The following TNFSF4 variants were observed in gnomAD, a reference collection of about 807,000 sequenced individuals.
The protein encoded by TNFSF4 is tumor necrosis factor ligand superfamily member 4.
TNFSF4 carries 4 observed loss-of-function variants against 7.3 expected under a neutral mutation model. The observed-to-expected ratio is 0.55, with a 90% CI of 0.27 to 1.25. The LOEUF is 1.25. Among genes scored for constraint, TNFSF4 ranks in the 50% most tolerant of loss-of-function variants. The pLI is 0.12. For synonymous variants in TNFSF4, 76 were observed against 83.7 expected (o/e 0.91, Z 0.50); for missense variants, 181 against 208.8 (o/e 0.87, Z 0.82).
chr1:173,412,941 GCTGTTTAGGTCACATACTCACTC>G, the TNFSF4 span, among the ~76,000 whole-genome samples: 2 of 152,302 alleles, frequency 1.3e-5, no homozygotes, highest in South Asian at 4.1e-4. Flanking sequence ...GGGAATCGAG[GCTGTTTAGGTCACATACTCACTC>G]CTGCATCCAA....
chr1:173,382,246 A>G, the TNFSF4 span, among the ~76,000 whole-genome samples: 2 of 152,084 alleles, frequency 1.3e-5, no homozygotes, highest in Admixed American at 6.6e-5. Flanking sequence ...GAGCTGTAAC[A>G]CTCACTGCAA....
At chr1:173,322,094 G>A in the TNFSF4 span, among the ~76,000 whole-genome samples, 1 of 152,334 alleles carries the variant, frequency 6.6e-6, no homozygotes, top group South Asian at 2.1e-4. Context: ...ACTGGATAAA[G>A]AAAATGTGGC....
chr1:173,196,256 C>G (rs1209185694), intron 1 of TNFSF4, among the ~76,000 whole-genome samples: 4 of 152,156 alleles, frequency 2.6e-5, no homozygotes, highest in Non-Finnish European at 2.9e-5. Context: ...TTCAGAAAGA[C>G]TTATCCCAAA....
intron 1 of TNFSF4, among the ~76,000 whole-genome samples, chr1:173,191,171 T>C (rs1017515700): frequency 6.6e-6 from 1 of 152,140 alleles, no homozygotes; most frequent in African/African-American, 2.4e-5. Flanking sequence ...AGGGTGGCAG[T>C]GACCAAACAG....
At chr1:173,411,100 T>C in the TNFSF4 span, among the ~76,000 whole-genome samples, 1 of 152,164 alleles carries the variant, frequency 6.6e-6, no homozygotes, top group Non-Finnish European at 1.5e-5. Context: ...CTTCCTGAAG[T>C]CTCTGTTGCT....
At chr1:173,284,099 A>C in the TNFSF4 span, among the ~76,000 whole-genome samples, 1 of 152,192 alleles carries the variant, frequency 6.6e-6, no homozygotes. Flanking sequence ...ATCTGGAGCA[A>C]GATTTTAACT....
At chr1:173,225,755 G>T in the TNFSF4 span, among the ~76,000 whole-genome samples, 9 of 152,262 alleles carry the variant, frequency 5.9e-5, no homozygotes, top group Non-Finnish European at 8.8e-5. Context: ...GAGGAACCAT[G>T]AATTGAAATT....
At chr1:173,290,474 A>T in the TNFSF4 span, among the ~76,000 whole-genome samples, 1 of 152,176 alleles carries the variant, frequency 6.6e-6, no homozygotes, top group East Asian at 1.9e-4. Context: ...TTAAATCAAA[A>T]ATAATAAAAA....
the TNFSF4 span, among the ~76,000 whole-genome samples, chr1:173,254,786 A>G: frequency 1.3e-5 from 2 of 152,332 alleles, no homozygotes; most frequent in South Asian, 4.1e-4. Context: ...AGAAAATAAG[A>G]TTGACAAAAT....
chr1:173,381,556 C>T, the TNFSF4 span, among the ~76,000 whole-genome samples: 106,799 of 152,074 alleles, frequency 0.7, 37,665 homozygotes, highest in African/African-American at 0.78. Context: ...CAAATGGAAC[C>T]CCAAATGAGC....
chr1:173,251,657 G>A, the TNFSF4 span, among the ~76,000 whole-genome samples: 1 of 152,156 alleles, frequency 6.6e-6, no homozygotes, highest in Non-Finnish European at 1.5e-5. Context: ...TTCCTTATAT[G>A]TACAATAGGG....
the TNFSF4 span, among the ~76,000 whole-genome samples, chr1:173,393,954 GA>G: frequency 2.0e-5 from 3 of 151,898 alleles, no homozygotes; most frequent in Non-Finnish European, 4.4e-5. Flanking sequence ...TCCTGACAAA[GA>G]AAAAAAGTTT....
the TNFSF4 span, among the ~76,000 whole-genome samples, chr1:173,284,630 CTT>C: frequency 1.3e-5 from 2 of 152,124 alleles, no homozygotes; most frequent in African/African-American, 4.8e-5. Context: ...TAGCTGATGA[CTT>C]TAAGTTGAAG....
the TNFSF4 span, among the ~76,000 whole-genome samples, chr1:173,430,368 TCA>T: frequency 6.6e-6 from 1 of 152,350 alleles, no homozygotes; most frequent in African/African-American, 2.4e-5. Flanking sequence ...TAAATAACTT[TCA>T]CAGAGTCTTC....
At chr1:173,441,029 G>T in the TNFSF4 span, among the ~76,000 whole-genome samples, 143 of 152,226 alleles carry the variant, frequency 9.4e-4, 1 homozygote, top group African/African-American at 3.3e-3. Context: ...AAAAATAAAA[G>T]CTTAGAATAT....
chr1:173,304,079 T>C, the TNFSF4 span, among the ~76,000 whole-genome samples: 1 of 151,952 alleles, frequency 6.6e-6, no homozygotes, highest in Non-Finnish European at 1.5e-5. Flanking sequence ...CAGTTATTTC[T>C]TTCTTTCTCA....
intron 1 of TNFSF4, among the ~76,000 whole-genome samples, chr1:173,189,892 T>C (rs1343036264): frequency 6.6e-6 from 1 of 152,060 alleles, no homozygotes; most frequent in Non-Finnish European, 1.5e-5. Context: ...CATTTGTTTG[T>C]CTTATCTACT....
At chr1:173,403,618 T>C in the TNFSF4 span, among the ~76,000 whole-genome samples, 1 of 152,166 alleles carries the variant, frequency 6.6e-6, no homozygotes, top group Admixed American at 6.5e-5. Context: ...TTTCAAGCGT[T>C]TTCAGCTGGG....
chr1:173,408,934 T>A, the TNFSF4 span, among the ~76,000 whole-genome samples: 1 of 152,114 alleles, frequency 6.6e-6, no homozygotes, highest in Non-Finnish European at 1.5e-5. Context: ...CCGTAAAATA[T>A]TTACAAATTT....
Sources: gnomAD v4.1 joint callset for allele counts (sites outside exome capture counted in the v4.1 genomes callset) on GRCh38, gnomAD v4.1.1 for gene constraint, MANE v1.5 for transcripts, NCBI Gene and HGNC (gene_info 2026-07-23, HGNC 2026-07-21) for gene names.